Variants in NSD1 observed in about 807,000 individuals in gnomAD.
The protein encoded by NSD1 is nuclear receptor binding SET domain protein 1, also known as histone-lysine N-methyltransferase, H3 lysine-36 specific.
A neutral mutation model predicts 242.7 loss-of-function variants in NSD1; 26 were observed. That is an observed-to-expected ratio of 0.11 (90% CI 0.08 to 0.15). NSD1 has a LOEUF of 0.15. Among genes scored for constraint, NSD1 ranks in the 10% least tolerant of loss-of-function variants. The probability of loss-of-function intolerance (pLI) is 1.00; values close to 1 mark genes in which losing one functional copy is unlikely to be tolerated. For missense variants in NSD1, 2,495 were observed against 3,272.8 expected, an observed-to-expected ratio of 0.76 and a Z score of 5.80; for synonymous variants, 1,106 against 1,178.1, an observed-to-expected ratio of 0.94 and a Z score of 1.25.
chr5:177,205,422 C>T (rs1762799288), intron 4 of NSD1, among the ~76,000 whole-genome samples: 1 of 151,962 alleles, frequency 6.6e-6, no homozygotes, highest in South Asian at 2.1e-4. Context: ...TTTCAACCAT[C>T]AGTATTGTGG....
chr5:177,258,541 G>T (rs1449923429), intron 13 of NSD1, among the ~76,000 whole-genome samples: 1 of 143,822 alleles, frequency 7.0e-6, no homozygotes, highest in East Asian at 2.0e-4. Context: ...GTTTGTTGTT[G>T]TTTTTTTTTT....
intron 3 of NSD1, among the ~76,000 whole-genome samples, chr5:177,202,882 TTAAC>T (rs1305321720): frequency 1.3e-5 from 2 of 152,198 alleles, no homozygotes; most frequent in African/African-American, 2.4e-5. Context: ...AACACAAAAT[TTAAC>T]TAAGTTTTAG....
chr5:177,137,007 G>A (rs1756395252), intron 2 of NSD1: 1 of 599,576 alleles, frequency 1.7e-6, no homozygotes, highest in African/African-American at 1.8e-5. Flanking sequence ...TATATTCCGT[G>A]TGTATAGAAA....
intron 22 of NSD1, among the ~76,000 whole-genome samples, chr5:177,292,889 TGAG>T (rs2127277694): frequency 6.6e-6 from 1 of 152,204 alleles, no homozygotes; most frequent in South Asian, 2.1e-4. Flanking sequence ...CATTCCAGGG[TGAG>T]GAGATTATAC....
chr5:177,260,258 C>T (rs1222816980), intron 14 of NSD1, 90 bp downstream of exon 14: 2 of 1,244,112 alleles, frequency 1.6e-6, no homozygotes, highest in East Asian at 2.5e-5. Flanking sequence ...ATCATATTGC[C>T]ACTGGAAAAA....
chr5:177,220,562 G>C (rs1581358738), intron 5 of NSD1, among the ~76,000 whole-genome samples: 1 of 109,632 alleles, frequency 9.1e-6, no homozygotes, highest in Non-Finnish European at 1.9e-5. Flanking sequence ...TATAGTAATT[G>C]CTTTTTTTTT....
rs540561877 is a variant in NSD1, at chr5:177,172,407, C to T, written c.928-19477C>T. On this transcript the variant is annotated intron_variant, in intron 2 of 22. Coordinates refer to ENST00000439151, the MANE Select transcript of NSD1 (RefSeq NM_022455.5). ...ACATAATTGTGCTTAGGCTTTGATG[C>T]TTTCATCAGGTAAAATGAAATAAAG... is the stretch of plus-strand genomic sequence containing the variant. 1.8e-4 allele frequency among the ~76,000 whole-genome samples: 28 copies of T among 152,042 alleles called. No homozygotes were observed. In the East Asian group the frequency reaches 3.3e-3, roughly 18 times the overall value.
chr5:177,238,552 A>G lies in NSD1; in HGVS notation c.4192+45A>G. ...TCAGTATTTGAGCAGATATGATTAG[A>G]GGAAGCAGGAGATTTTAGTATGTTT... On this transcript the variant is annotated intron_variant, in intron 7 of 22. Coordinates refer to ENST00000439151, the MANE Select transcript of NSD1 (RefSeq NM_022455.5). The surrounding 1 kb of genome is among the most constrained non-coding windows in gnomAD (Gnocchi z 4.6). The G allele has an allele frequency of 6.3e-7, 1 of 1,598,786 alleles. No individual in the cohort carries two copies. Among genetic ancestry groups the G allele is most frequent in the Non-Finnish European group, 8.5e-7 (1 of 1,174,232 alleles).
intron 3 of NSD1, among the ~76,000 whole-genome samples, chr5:177,197,546 C>T (rs1468325791): frequency 3.3e-5 from 5 of 151,974 alleles, no homozygotes. Context: ...GGTGTGAACC[C>T]GGGAGGCGGA....
chr5:177,136,979 G>A (rs1756393316), intron 2 of NSD1: 2 of 680,830 alleles, frequency 2.9e-6, no homozygotes, highest in Admixed American at 4.4e-5. Flanking sequence ...AAGTGTGTAT[G>A]TGTATGTGTG....
rs761590833 is a variant in NSD1, at chr5:177,280,514, T to A, written c.5623-51T>A. The A allele has an allele frequency of 3.1e-6, 5 of 1,613,494 alleles. No individual in the cohort carries two copies. In the South Asian group the frequency reaches 5.5e-5, roughly 18 times the overall value. On this transcript the variant is annotated intron_variant, in intron 17 of 22. Transcript: ENST00000439151. ...AAGTTTGCCTTTTTCAGGACGTGAATTGTCTTCTGCTGACTTGTTTTATGC... is the reference window on the plus strand; with the variant it reads ...AAGTTTGCCTTTTTCAGGACGTGAAATGTCTTCTGCTGACTTGTTTTATGC...
intron 4 of NSD1, among the ~76,000 whole-genome samples, chr5:177,205,417 A>T (rs377090210): frequency 6.6e-6 from 1 of 151,806 alleles, no homozygotes; most frequent in African/African-American, 2.4e-5. Flanking sequence ...TTATATTTCA[A>T]CCATCAGTAT....
At chr5:177,152,761 G>A (rs1434535180) in intron 2 of NSD1, among the ~76,000 whole-genome samples, 1 of 150,860 alleles carries the variant, frequency 6.6e-6, no homozygotes, top group African/African-American at 2.4e-5. Context: ...ACTGCGCCTG[G>A]CCATTTCTTT....
intron 2 of NSD1, among the ~76,000 whole-genome samples, chr5:177,172,766 C>T (rs955110790): frequency 6.6e-6 from 1 of 151,778 alleles, no homozygotes; most frequent in African/African-American, 2.4e-5. Context: ...GGAGACCAGC[C>T]TAGGCAACAT....
At chr5:177,216,543 T>G (rs1423900089) in intron 5 of NSD1, among the ~76,000 whole-genome samples, 1 of 152,040 alleles carries the variant, frequency 6.6e-6, no homozygotes. Flanking sequence ...TCTTCGTTCT[T>G]CAGCATGTGC....
At chr5:177,289,452 C>G (rs1395687764) in intron 21 of NSD1, among the ~76,000 whole-genome samples, 3 of 152,188 alleles carry the variant, frequency 2.0e-5, no homozygotes, top group Non-Finnish European at 4.4e-5. Flanking sequence ...GGCCATCTGA[C>G]TTTAATTGGT....
intron 2 of NSD1, among the ~76,000 whole-genome samples, chr5:177,186,035 TA>T (rs1324906282): frequency 9.5e-6 from 1 of 105,180 alleles, no homozygotes; most frequent in African/African-American, 3.9e-5. Flanking sequence ...ATATATTTTT[TA>T]TATATATAAT....
rs541467472 is a variant in NSD1, at chr5:177,163,292, A to G, written c.927+27262A>G. ...CGAGTAGCTGGGACTACAGGCACGC[A>G]TCACCATGCCCGGCTAATTTTTGTA... On this transcript the variant is annotated intron_variant, in intron 2 of 22. Coordinates refer to ENST00000439151, the MANE Select transcript of NSD1 (RefSeq NM_022455.5). 9.2e-5 allele frequency among the ~76,000 whole-genome samples: 14 copies of G among 152,034 alleles called. No homozygotes were observed. The East Asian group carries it at 1.2e-3, about 13-fold the overall frequency.
At chr5:177,286,236 A>G (rs1361488491) in intron 20 of NSD1, among the ~76,000 whole-genome samples, 1 of 152,198 alleles carries the variant, frequency 6.6e-6, no homozygotes, top group Non-Finnish European at 1.5e-5. Context: ...TGTGTTGTCC[A>G]GGAGTCTTTC....
Sources: gnomAD v4.1 joint callset for allele counts (sites outside exome capture counted in the v4.1 genomes callset) on GRCh38, gnomAD v4.1.1 for gene constraint, Gnocchi (gnomAD v3.1) non-coding constraint, MANE v1.5 for transcripts, NCBI Gene and HGNC (gene_info 2026-07-23, HGNC 2026-07-21) for gene names.